Variants in CACNB4 observed in about 807,000 individuals in gnomAD.
CACNB4 encodes calcium voltage-gated channel auxiliary subunit beta 4.
A neutral mutation model predicts 71.2 loss-of-function variants in CACNB4; 32 were observed. That is an observed-to-expected ratio of 0.45 (90% CI 0.34 to 0.60). The LOEUF (loss-of-function observed/expected upper bound fraction) is 0.60, where lower values mean the gene tolerates loss of function less well. Ranked by LOEUF, CACNB4 falls within the 20% of genes least tolerant of loss-of-function variation. The pLI is 0.01. For missense variants in CACNB4, 464 were observed against 647.9 expected (o/e 0.72, Z 3.08); for synonymous variants, 231 against 236.9 (o/e 0.97, Z 0.23).
intron 2 of CACNB4, among the ~76,000 whole-genome samples, chr2:151,993,548 A>C (rs1681840473): frequency 6.8e-6 from 1 of 147,030 alleles, no homozygotes; most frequent in Non-Finnish European, 1.5e-5. Flanking sequence ...ACACGGAGGC[A>C]TAGGTTGGGG....
chr2:152,036,475 C>T (rs1684598048), intron 2 of CACNB4, among the ~76,000 whole-genome samples: 3 of 151,972 alleles, frequency 2.0e-5, no homozygotes, highest in African/African-American at 7.2e-5. Context: ...AATTTTTGTA[C>T]TTTAAGTAGA....
intron 2 of CACNB4, among the ~76,000 whole-genome samples, chr2:151,909,458 A>C (rs903598599): frequency 3.5e-4 from 46 of 130,966 alleles, no homozygotes; most frequent in South Asian, 1.5e-3. Flanking sequence ...AACAAAAAAA[A>C]AAAACAAAAA....
rs142046165 is a variant in CACNB4, at chr2:151,835,743, C to A, written c.*3376G>T. 6.6e-6 allele frequency: 1 copy of A among 151,734 alleles called. No homozygotes were observed. The highest frequency in any genetic ancestry group is 1.9e-4 in the East Asian group (1 of 5,182). 9.4% of individuals were successfully genotyped at this position (151,734 alleles called of 1,614,324 possible). On this transcript the variant is annotated 3_prime_UTR_variant, in exon 14 of 14. Coordinates refer to ENST00000539935, the MANE Select transcript of CACNB4 (RefSeq NM_000726.5). ...CCACTTCCTATTATGAATTTTAAGG[C>A]CCCCACACAAAAGACAAGTTCAAGT...
intron 2 of CACNB4, among the ~76,000 whole-genome samples, chr2:152,064,494 C>T (rs909462437): frequency 8.5e-5 from 13 of 152,296 alleles, no homozygotes; most frequent in African/African-American, 2.6e-4. Flanking sequence ...GATTCTCCTG[C>T]CTCAGCCTCC....
intron 2 of CACNB4, among the ~76,000 whole-genome samples, chr2:151,984,315 C>T (rs1249308361): frequency 6.6e-6 from 1 of 152,112 alleles, no homozygotes; most frequent in Non-Finnish European, 1.5e-5. Context: ...AGGAAAAGGG[C>T]TATTGTCAGT....
chr2:152,031,045 C>T (rs891613156), intron 2 of CACNB4, among the ~76,000 whole-genome samples: 12 of 152,198 alleles, frequency 7.9e-5, no homozygotes, highest in South Asian at 2.1e-4. Context: ...GGTAGACAGG[C>T]GGTATTGCCA....
intron 2 of CACNB4, among the ~76,000 whole-genome samples, chr2:151,885,720 C>A (rs994235131): frequency 6.6e-5 from 10 of 152,158 alleles, no homozygotes; most frequent in African/African-American, 2.4e-4. Flanking sequence ...TGAAAGTGCC[C>A]TTTATAGAGG....
At chr2:151,854,569 G>A (rs1033512562) in intron 11 of CACNB4, 3 of 152,118 alleles carry the variant, frequency 2.0e-5, no homozygotes, top group Admixed American at 6.5e-5. Context: ...ACCATTTCAC[G>A]TTAACTTTTT....
chr2:152,013,625 A>G (rs1360260606), intron 2 of CACNB4, among the ~76,000 whole-genome samples: 1 of 152,150 alleles, frequency 6.6e-6, no homozygotes, highest in Non-Finnish European at 1.5e-5. Flanking sequence ...CCTGCACAAA[A>G]GCATGCCCCG....
At chr2:152,032,124 C>T (rs143194393) in intron 2 of CACNB4, among the ~76,000 whole-genome samples, 1 of 152,120 alleles carries the variant, frequency 6.6e-6, no homozygotes, top group Non-Finnish European at 1.5e-5. Flanking sequence ...AGGCACATGA[C>T]CAAGTCTGAT....
intron 2 of CACNB4, among the ~76,000 whole-genome samples, chr2:152,014,696 A>G (rs963324507): frequency 6.7e-5 from 10 of 149,894 alleles, no homozygotes; most frequent in Non-Finnish European, 4.4e-5. Context: ...GCACCACTGC[A>G]CTCCAGCCTG....
chr2:152,098,223 G>T lies in CACNB4; in HGVS notation c.147+107C>A, dbSNP rs1025085332. ...GCCGAGGCCGGGAAGAGACGCGCGC[G>T]GGCTTGACCCGCAGCTCCCGCACGT... is the stretch of plus-strand genomic sequence containing the variant. On this transcript the variant is annotated intron_variant, in intron 2 of 13. Transcript: ENST00000539935. This position sits in a 1 kb window ranked among gnomAD's most constrained non-coding sequence, Gnocchi z 5.3. 3.7e-6 allele frequency: 3 copies of T among 801,034 alleles called. No individual in the cohort carries two copies. Among genetic ancestry groups the T allele is most frequent in the African/African-American group, 1.7e-5 (1 of 58,450 alleles). The allele number at this position is 801,034 out of a possible 1,614,324, so 49.6% of individuals were successfully genotyped here. A position where few individuals can be genotyped will look rare whatever the true frequency, so the allele number is the denominator to read the frequency against.
At chr2:151,898,796 T>A (rs1186376189) in intron 2 of CACNB4, among the ~76,000 whole-genome samples, 1 of 152,166 alleles carries the variant, frequency 6.6e-6, no homozygotes, top group Non-Finnish European at 1.5e-5. Flanking sequence ...AATGGCTGGA[T>A]TTGAAATAAA....
intron 2 of CACNB4, among the ~76,000 whole-genome samples, chr2:151,909,537 C>G (rs192948539): frequency 7.2e-5 from 11 of 152,050 alleles, no homozygotes; most frequent in African/African-American, 2.7e-4. Context: ...GTTTGCTGCA[C>G]CTACTGACCC....
rs1319084249 is a variant in CACNB4 at position 151,955,596 on chromosome 2, T to C, written c.148-72226A>G. Reference sequence around the variant, plus strand: ...GAGGAACCTCATAGAAGAAGTGGAATAAGAGTTGGACTTTGATTGGGTGCA... The same window carrying C: ...GAGGAACCTCATAGAAGAAGTGGAACAAGAGTTGGACTTTGATTGGGTGCA... On this transcript the variant is annotated intron_variant, in intron 2 of 13. Coordinates refer to ENST00000539935, the MANE Select transcript of CACNB4 (RefSeq NM_000726.5). 2.6e-5 allele frequency among the ~76,000 whole-genome samples: 4 copies of C among 152,218 alleles called. No homozygotes were observed. In the South Asian group the frequency reaches 8.3e-4, roughly 32 times the overall value.
chr2:152,084,790 T>C (rs1176127848), intron 2 of CACNB4, among the ~76,000 whole-genome samples: 1 of 151,774 alleles, frequency 6.6e-6, no homozygotes, highest in African/African-American at 2.4e-5. Flanking sequence ...TTTTTTTTTT[T>C]AATTTGTTTT....
intron 2 of CACNB4, among the ~76,000 whole-genome samples, chr2:151,898,109 T>C (rs2099852533): frequency 6.6e-6 from 1 of 152,368 alleles, no homozygotes; most frequent in East Asian, 1.9e-4. Context: ...ATATTTCTTC[T>C]GCCTGCAAGA....
chr2:151,991,427 G>T (rs1445509313), intron 2 of CACNB4, among the ~76,000 whole-genome samples: 1 of 152,150 alleles, frequency 6.6e-6, no homozygotes, highest in Non-Finnish European at 1.5e-5. Context: ...TCTCTAACCT[G>T]AGTCCTCCTC....
chr2:151,899,732 A>G (rs969199222), intron 2 of CACNB4, among the ~76,000 whole-genome samples: 4 of 152,174 alleles, frequency 2.6e-5, no homozygotes, highest in Non-Finnish European at 5.9e-5. Context: ...CGGTGCCCTA[A>G]CAACACTAGG....
Sources: gnomAD v4.1 joint callset for allele counts (sites outside exome capture counted in the v4.1 genomes callset) on GRCh38, gnomAD v4.1.1 for gene constraint, Gnocchi (gnomAD v3.1) non-coding constraint, MANE v1.5 for transcripts, NCBI Gene and HGNC (gene_info 2026-07-23, HGNC 2026-07-21) for gene names.